The following CTNNA2 variants were observed in gnomAD, a reference collection of about 807,000 sequenced individuals.
CTNNA2 encodes catenin alpha 2, also known as catenin alpha-2.
CTNNA2 carries 42 observed loss-of-function variants against 101.0 expected under a neutral mutation model. The ratio of observed to expected loss-of-function variants is 0.42; its 90% confidence interval spans 0.32 to 0.54. The LOEUF is 0.54. Ranked by LOEUF, CTNNA2 falls within the 20% of genes least tolerant of loss-of-function variation. The pLI is 0.14. For synonymous variants in CTNNA2, 450 were observed against 456.4 expected (o/e 0.99, Z 0.18); for missense variants, 871 against 1,223.1 (o/e 0.71, Z 4.29).
intron 1 of CTNNA2, among the ~76,000 whole-genome samples, chr2:79,555,321 C>G (rs1479089998): frequency 6.6e-6 from 1 of 152,150 alleles, no homozygotes; most frequent in Non-Finnish European, 1.5e-5. Flanking sequence ...CACCCTGAGC[C>G]TTTCCCTCAA....
intron 2 of CTNNA2, among the ~76,000 whole-genome samples, chr2:79,300,892 C>T (rs968437525): frequency 1.6e-4 from 25 of 152,206 alleles, no homozygotes; most frequent in African/African-American, 5.3e-4. Flanking sequence ...GCATGAAGTT[C>T]GAGTCTTTCA....
At chr2:79,469,573 CA>C (rs1472085577) in intron 4 of CTNNA2, among the ~76,000 whole-genome samples, 3 of 151,906 alleles carry the variant, frequency 2.0e-5, no homozygotes, top group Non-Finnish European at 4.4e-5. Context: ...AGAGACACAA[CA>C]AAAAAAGAGA....
chr2:80,576,917 C>G (rs1368990200), intron 13 of CTNNA2, among the ~76,000 whole-genome samples: 2 of 151,760 alleles, frequency 1.3e-5, no homozygotes, highest in Non-Finnish European at 2.9e-5. Context: ...AGTTTAACTT[C>G]ACGTCTCCCA....
upstream of CTNNA2, among the ~76,000 whole-genome samples, chr2:79,512,728 C>G (rs917533335): frequency 6.6e-6 from 1 of 151,894 alleles, no homozygotes; most frequent in African/African-American, 2.4e-5. Flanking sequence ...CCCCTCCCCC[C>G]ACCTGCGGCG....
chr2:79,434,674 T>G (rs1423692421), intron 4 of CTNNA2, among the ~76,000 whole-genome samples: 3 of 151,982 alleles, frequency 2.0e-5, no homozygotes, highest in African/African-American at 7.3e-5. Flanking sequence ...GGAACAAAGA[T>G]CATCAGCCTA....
At chr2:80,072,353 C>G (rs891330562) in intron 7 of CTNNA2, among the ~76,000 whole-genome samples, 3 of 151,986 alleles carry the variant, frequency 2.0e-5, no homozygotes, top group Non-Finnish European at 4.4e-5. Flanking sequence ...AAGTTCCAAG[C>G]CCTGCTCTGG....
intron 3 of CTNNA2, among the ~76,000 whole-genome samples, chr2:79,831,975 T>C (rs2105430576): frequency 6.6e-6 from 1 of 152,348 alleles, no homozygotes; most frequent in South Asian, 2.1e-4. Flanking sequence ...TTCTCAGGCA[T>C]ATGAAACCAC....
intron 2 of CTNNA2, among the ~76,000 whole-genome samples, chr2:79,712,816 A>G (rs1685827325): frequency 1.3e-5 from 2 of 152,208 alleles, no homozygotes; most frequent in Admixed American, 1.3e-4. Context: ...TGTTTTTGAA[A>G]TTTGAAAGAA....
intron 3 of CTNNA2, among the ~76,000 whole-genome samples, chr2:79,831,422 TTAACTA>T (rs1263770680): frequency 7.9e-5 from 12 of 152,308 alleles, no homozygotes; most frequent in African/African-American, 2.6e-4. Context: ...ATTCAGCCCC[TTAACTA>T]TAACAGCCCA....
At chr2:79,808,869 C>T (rs1365930495) in intron 3 of CTNNA2, among the ~76,000 whole-genome samples, 1 of 151,862 alleles carries the variant, frequency 6.6e-6, no homozygotes, top group Non-Finnish European at 1.5e-5. Flanking sequence ...ATACACGTGC[C>T]ATGGTGGTTT....
At chr2:80,643,825 G>A (rs1450894734) in intron 18 of CTNNA2, among the ~76,000 whole-genome samples, 1 of 152,098 alleles carries the variant, frequency 6.6e-6, no homozygotes, top group Non-Finnish European at 1.5e-5. Flanking sequence ...TCAAGGCCAG[G>A]AAGAACAAGG....
At chr2:79,909,908 AAG>A (rs1390153937) in intron 7 of CTNNA2, 111 bp downstream of exon 7, 1 of 1,135,196 alleles carries the variant, frequency 8.8e-7, no homozygotes, top group Non-Finnish European at 1.2e-6. Flanking sequence ...GTGTTTACCA[AAG>A]AGAGTCAGGT....
At chr2:80,059,285 A>G (rs1697422904) in intron 7 of CTNNA2, among the ~76,000 whole-genome samples, 3 of 152,118 alleles carry the variant, frequency 2.0e-5, no homozygotes, top group Admixed American at 2.0e-4. Context: ...CAGTGAGCTT[A>G]CCTGTCTTAC....
At chr2:79,805,032 G>C (rs992604305) in intron 3 of CTNNA2, among the ~76,000 whole-genome samples, 7 of 152,116 alleles carry the variant, frequency 4.6e-5, no homozygotes, top group Non-Finnish European at 1.0e-4. Context: ...AGGAAGGCTT[G>C]TGGGAAGTGC....
chr2:79,313,983 A>G (rs995201069), intron 3 of CTNNA2, among the ~76,000 whole-genome samples: 1 of 152,138 alleles, frequency 6.6e-6, no homozygotes, highest in Non-Finnish European at 1.5e-5. Context: ...AGAGGTCCTG[A>G]TGACAACAAG....
chr2:79,234,451 C>G (rs921489438), intron 2 of CTNNA2, among the ~76,000 whole-genome samples: 14 of 152,138 alleles, frequency 9.2e-5, no homozygotes, highest in Admixed American at 7.2e-4. Flanking sequence ...ACCTTTCTCT[C>G]TAGCTGCCTT....
chr2:80,622,756 A>C (rs1671262180), intron 18 of CTNNA2, among the ~76,000 whole-genome samples: 1 of 151,706 alleles, frequency 6.6e-6, no homozygotes, highest in South Asian at 2.1e-4. Context: ...TTGCCATTCG[A>C]GTCTCTTCCA....
At chr2:80,351,400 G>A (rs969762790) in intron 7 of CTNNA2, among the ~76,000 whole-genome samples, 1 of 152,106 alleles carries the variant, frequency 6.6e-6, no homozygotes, top group Admixed American at 6.6e-5. Context: ...GGTTGCAGAT[G>A]AGAATAAAAC....
intron 15 of CTNNA2, 105 bp downstream of exon 15, chr2:80,589,590 G>T: frequency 3.9e-6 from 4 of 1,027,836 alleles, no homozygotes; most frequent in Non-Finnish European, 5.7e-6. Context: ...ATATACCAAC[G>T]CAAGGTGGTG....
Sources: gnomAD v4.1 joint callset for allele counts (sites outside exome capture counted in the v4.1 genomes callset) on GRCh38, gnomAD v4.1.1 for gene constraint, MANE v1.5 for transcripts, NCBI Gene and HGNC (gene_info 2026-07-23, HGNC 2026-07-21) for gene names.